The following STARD8 variants were observed in gnomAD, a reference collection of about 807,000 sequenced individuals.
STARD8 encodes StAR related lipid transfer domain containing 8, also known as stAR-related lipid transfer protein 8.
STARD8 carries 25 observed loss-of-function variants against 69.4 expected under a neutral mutation model. That is an observed-to-expected ratio of 0.36 (90% CI 0.26 to 0.50). The LOEUF is 0.50. STARD8 is among the 20% of genes least tolerant of loss of function. The pLI, the probability that STARD8 is intolerant of heterozygous loss-of-function variation, is 0.96. For synonymous variants in STARD8, 389 were observed against 374.6 expected (o/e 1.04, Z -0.45); for missense variants, 921 against 932.5 (o/e 0.99, Z 0.16).
intron 1 of STARD8, chrX:68,656,390 CT>C (rs1414762185): frequency 8.9e-6 from 1 of 111,893 alleles, no homozygotes; most frequent in East Asian, 2.8e-4. Flanking sequence ...AATAGGATCA[CT>C]TTTACACTGT....
rs1029581023 is a variant in STARD8 at position 68,723,860 on chromosome X, G to A, written c.3017+17G>A. The A allele has an allele frequency of 5.8e-6, 7 of 1,203,541 alleles. No homozygotes were observed. Among genetic ancestry groups the A allele is most frequent in the Non-Finnish European group, 7.9e-6 (7 of 891,509 alleles). On this transcript the variant is annotated intron_variant, in intron 13 of 14. Coordinates refer to ENST00000374599, the MANE Select transcript of STARD8 (RefSeq NM_001142503.3). ...GGTGCTTCGGTGAGGGGCTGCAGCT[G>A]CTACCCTTCTGTGCTTGGGGGGCCG...
chrX:68,649,385 A>G (rs1009063100), intron 1 of STARD8, among the ~76,000 whole-genome samples: 1 of 109,656 alleles, frequency 9.1e-6, no homozygotes, highest in Non-Finnish European at 1.9e-5. Flanking sequence ...GAGAAAGGGA[A>G]GCAGAGACTA....
rs140350252 is a variant in STARD8, at chrX:68,663,695, T to C, written c.46-1804T>C. Among the ~76,000 whole-genome samples the C allele has an allele frequency of 1.3e-3, 148 of 111,486 alleles. 3 individuals carry two copies. The East Asian group carries it at 0.036, about 27-fold the overall frequency. On this transcript the variant is annotated intron_variant, in intron 1 of 14. Coordinates refer to ENST00000374599, the MANE Select transcript of STARD8 (RefSeq NM_001142503.3). ...TAAGACCTCACAGGGGCCTGCTTTG[T>C]CCTTCTCTTCTACTCTCTCATCCTT...
chrX:68,713,716 C>G (rs111938860), intron 3 of STARD8, among the ~76,000 whole-genome samples: 1 of 111,836 alleles, frequency 8.9e-6, no homozygotes, highest in Non-Finnish European at 1.9e-5. Flanking sequence ...GGGCTCTGTC[C>G]GGGGCCCTCT....
chrX:68,720,218 C>A, intron 7 of STARD8, 46 bp from the exon 8 acceptor site: 5 of 1,138,581 alleles, frequency 4.4e-6, no homozygotes, highest in Non-Finnish European at 5.8e-6. Context: ...GCAGAGTCTC[C>A]AAACTGTGTT....
At chrX:68,650,817 A>AAAACG (rs1490710944) in intron 1 of STARD8, among the ~76,000 whole-genome samples, 1 of 110,370 alleles carries the variant, frequency 9.1e-6, no homozygotes, top group Non-Finnish European at 1.9e-5. Context: ...AAAACAAAAC[A>AAAACG]AAACAAAACA....
chrX:68,680,069 G>A (rs2079791920), intron 2 of STARD8, among the ~76,000 whole-genome samples: 1 of 111,926 alleles, frequency 8.9e-6, no homozygotes, highest in African/African-American at 3.3e-5. Context: ...TTTGGCATGG[G>A]TTACCTGGGG....
intron 2 of STARD8, among the ~76,000 whole-genome samples, chrX:68,698,114 G>A (rs1602585270): frequency 8.9e-6 from 1 of 111,789 alleles, no homozygotes; most frequent in Non-Finnish European, 1.9e-5. Flanking sequence ...ATTCACTCAC[G>A]GGAACTTCTG....
rs776497810 is a variant in STARD8, at chrX:68,721,612, A to G, written c.2325A>G (p.Leu775=). The change falls in exon 10 of 15, where the codon CTA becomes CTG. Residue 775 remains leucine (L), a synonymous_variant. Transcript: ENST00000374599. ...LLLPDENREV[L]QTLLYFLSDI... The stretch of plus-strand genomic sequence containing the variant: ...TCCCCGATGAGAACCGAGAGGTGCT[A>G]CAGACCCTGCTCTACTTCTTAAGTG... 4.1e-6 allele frequency: 5 copies of G among 1,212,174 alleles called. No individual in the cohort carries two copies. The highest frequency in any genetic ancestry group is 5.6e-6 in the Non-Finnish European group (5 of 895,605).
chrX:68,661,972 CTTTCTTTCTTTCTTTCTTTCTT>C (rs1459398573), intron 1 of STARD8, among the ~76,000 whole-genome samples: 400 of 36,338 alleles, frequency 0.011, 3 homozygotes, highest in African/African-American at 0.039. Context: ...CTCTCTCTCT[CTTTCTTTCTTTCTTTCTTTCTT>C]TCTTTCTTTC....
chrX:68,714,110 G>GTGCAGCAGCTTCCTGTGCTCT (rs1481947248), intron 3 of STARD8, among the ~76,000 whole-genome samples: 102 of 112,266 alleles, frequency 9.1e-4, no homozygotes, highest in African/African-American at 3.2e-3. Context: ...ACCTGGGCTA[G>GTGCAGCAGCTTCCTGTGCTCT]TGCAGCAGCT....
Position 68,717,462 on chromosome X carries a change from A to G in STARD8, c.548A>G (p.Asp183Gly). 8.3e-7 allele frequency: 1 copy of G among 1,210,503 alleles called. No individual in the cohort carries two copies. The highest frequency in any genetic ancestry group is 1.1e-6 in the Non-Finnish European group (1 of 895,240). ...PLPGRAPSSS[D>G]RPLLSPTQGQ... is the part of the protein sequence containing the mutation. ...CCAGGCCGTGCCCCCAGCTCGAGTG[A>G]CCGGCCCCTCCTCAGCCCCACCCAG... is the stretch of plus-strand genomic sequence containing the variant. The change falls in exon 6 of 15, where the codon GAC (aspartate) becomes GGC (glycine). Residue 183 changes from aspartate (D) to glycine (G), a missense_variant. Coordinates refer to ENST00000374599, the MANE Select transcript of STARD8 (RefSeq NM_001142503.3).
chrX:68,652,938 A>AT (rs2079563972), intron 1 of STARD8, among the ~76,000 whole-genome samples: 1 of 58,018 alleles, frequency 1.7e-5, no homozygotes, highest in African/African-American at 6.8e-5. Flanking sequence ...CACACACCAC[A>AT]CACACACACC....
In STARD8 at chrX:68,697,924, G is replaced by A. The variant is rs764395662; in HGVS notation, c.80-14990G>A. Among the ~76,000 whole-genome samples the A allele has an allele frequency of 1.1e-4, 12 of 112,512 alleles. No homozygotes were observed. The East Asian group carries it at 3.4e-3, about 32-fold the overall frequency. ...CTCTTGGGCTGTCTTTGGGAAAAGA[G>A]CAGCCTCCTTCCAACAAGCCTGGGG... On this transcript the variant is annotated intron_variant, in intron 2 of 14. Coordinates refer to ENST00000374599, the MANE Select transcript of STARD8 (RefSeq NM_001142503.3).
Position 68,724,310 on chromosome X carries a change from G to A in STARD8, c.3200G>A (p.Arg1067His), listed in dbSNP as rs370158193. The A allele has an allele frequency of 2.1e-5, 25 of 1,208,482 alleles. No homozygotes were observed. Among genetic ancestry groups the A allele is most frequent in the Admixed American group, 6.6e-5 (3 of 45,775 alleles). ...THICRADLRGRSPDWYNKVFG... is the reference protein window; with the variant it reads ...THICRADLRGHSPDWYNKVFG... ...GGTTTCTTCTGCTTCCCTAGGGGCC[G>A]TTCTCCTGACTGGTACAACAAAGTC... is the stretch of plus-strand genomic sequence containing the variant. Residue 1067 changes from arginine to histidine, a missense_variant, in exon 15 of 15, where the codon CGT becomes CAT. Arg to His is a conservative substitution (Grantham distance 29). Coordinates refer to ENST00000374599, the MANE Select transcript of STARD8 (RefSeq NM_001142503.3).
At chrX:68,704,342 C>T (rs917944863) in intron 2 of STARD8, among the ~76,000 whole-genome samples, 1 of 111,567 alleles carries the variant, frequency 9.0e-6, no homozygotes, top group African/African-American at 3.3e-5. Flanking sequence ...CTAGATTGTG[C>T]AGAGCCTTGA....
chrX:68,723,801 A>G lies in STARD8; in HGVS notation c.2975A>G (p.Asp992Gly), dbSNP rs1434922367. 1 of 1,182,845 alleles carries G rather than the reference A, an allele frequency of 8.5e-7. No homozygotes were observed. The highest frequency in any genetic ancestry group is 3.1e-5 in the East Asian group (1 of 31,919). Residue 992 changes from aspartate to glycine, a missense_variant, in exon 13 of 15, where the codon GAC (aspartate) becomes GGC (glycine). Physicochemically the swap from Asp to Gly is moderately conservative, Grantham distance 94. Transcript: ENST00000374599. ...GTGGAGCTGTACCACTATGTCACCG[A>G]CAGCATGGCACCCCATCCCTGCCGC... ...PGVELYHYVT[D>G]SMAPHPCRDF...
intron 1 of STARD8, among the ~76,000 whole-genome samples, chrX:68,652,964 A>C (rs950190824): frequency 1.2e-3 from 35 of 30,073 alleles, no homozygotes; most frequent in East Asian, 2.1e-3. Flanking sequence ...ACACACACAC[A>C]CCACACACCA....
chrX:68,721,028 C>T lies in STARD8; in HGVS notation c.2154C>T (p.Tyr718=), dbSNP rs773837941. The T allele has an allele frequency of 3.6e-5, 44 of 1,210,025 alleles. No individual in the cohort carries two copies. Among genetic ancestry groups the T allele is most frequent in the East Asian group, 3.0e-5 (1 of 33,764 alleles). Residue 718 remains tyrosine, a synonymous_variant, in exon 9 of 15, where the codon TAC becomes TAT. Coordinates refer to ENST00000374599, the MANE Select transcript of STARD8 (RefSeq NM_001142503.3). Reference sequence around the variant, plus strand: ...TCTGCTACGAGGGCCAGTCAGCCTACGACGTGGCTGACCTGCTAAAGCAGT... The same window carrying T: ...TCTGCTACGAGGGCCAGTCAGCCTATGACGTGGCTGACCTGCTAAAGCAGT... ...DNVCYEGQSA[Y]DVADLLKQYF...
Sources: gnomAD v4.1 joint callset for allele counts (sites outside exome capture counted in the v4.1 genomes callset) on GRCh38, gnomAD v4.1.1 for gene constraint, MANE v1.5 for transcripts, NCBI Gene and HGNC (gene_info 2026-07-23, HGNC 2026-07-21) for gene names.